Variants in SCARB2 observed in about 807,000 individuals in gnomAD.
SCARB2 encodes the protein scavenger receptor class B member 2.
Under a neutral mutation model 58.6 loss-of-function variants are expected in SCARB2, and 29 were observed. The ratio of observed to expected loss-of-function variants is 0.49; its 90% CI spans 0.37 to 0.67. SCARB2 has a LOEUF of 0.67. Among genes scored for constraint, SCARB2 ranks in the 30% least tolerant of loss-of-function variants. The probability of loss-of-function intolerance (pLI) is 0.00; values close to 1 mark genes in which losing one functional copy is unlikely to be tolerated. For synonymous variants in SCARB2, 195 were observed against 210.1 expected, an observed-to-expected ratio of 0.93 and a Z score of 0.62; for missense variants, 488 against 578.5, an observed-to-expected ratio of 0.84 and a Z score of 1.60.
chr4:76,213,570 G>C lies in SCARB2; in HGVS notation c.-27C>G, dbSNP rs553389773. 269 of 1,582,804 alleles carry C rather than the reference G, an allele frequency of 1.7e-4. 1 individual carries two copies. The African/African-American group carries it at 3.3e-3, about 19-fold the overall frequency. On this transcript the variant is annotated 5_prime_UTR_variant, in exon 1 of 12. Transcript: ENST00000264896. ...CTGTGCGCCGCTCACGGGCCGGGCC[G>C]GGCCGCACCCGCCAGGGATCCAACT...
chr4:76,206,194 G>A (rs758913883), intron 1 of SCARB2, among the ~76,000 whole-genome samples: 2 of 152,102 alleles, frequency 1.3e-5, no homozygotes, highest in Non-Finnish European at 2.9e-5. Context: ...CAAATCTGCC[G>A]GGGCCTTGAT....
chr4:76,215,637 G>C (rs1733192450), upstream of SCARB2, among the ~76,000 whole-genome samples: 1 of 152,172 alleles, frequency 6.6e-6, no homozygotes, highest in Admixed American at 6.5e-5. Context: ...TCTGAAGCTA[G>C]ATCATAAATG....
rs1286380031 is a variant in SCARB2 at position 76,159,297 on chromosome 4, T to C, written c.*2416A>G. 1 of 152,258 alleles carries C rather than the reference T, an allele frequency of 6.6e-6. No individual in the cohort carries two copies. Among genetic ancestry groups the C allele is most frequent in the African/African-American group, 2.4e-5 (1 of 41,474 alleles). The allele number at this position is 152,258 out of a possible 1,614,324, so 9.4% of individuals were successfully genotyped here. On this transcript the variant is annotated 3_prime_UTR_variant, in exon 12 of 12. Transcript: ENST00000264896. Reference sequence around the variant, plus strand: ...GCAAGAAAATGAGCATGAGAAATAATTCATCTTCAACTTAAAGCCAAATAG... The same window carrying C: ...GCAAGAAAATGAGCATGAGAAATAACTCATCTTCAACTTAAAGCCAAATAG...
chr4:76,165,486 C>G (rs1382917025), intron 10 of SCARB2: 1 of 151,910 alleles, frequency 6.6e-6, no homozygotes, highest in African/African-American at 2.4e-5. Flanking sequence ...AAAAAAATTT[C>G]TAAGAATTTT....
At chr4:76,214,113 T>C (rs1480645344), upstream of SCARB2, 2 of 410,244 alleles carry the variant, frequency 4.9e-6, no homozygotes, top group African/African-American at 4.1e-5. Flanking sequence ...CATTTACTCA[T>C]TCCGCAGATA....
rs115485163 is a variant in SCARB2, at chr4:76,189,859, C to T, written c.275+5848G>A. ...CAAGAGAACAGCATGAGGGTAGCTG[C>T]CCCCGTGATTAAATTACCCCCCTGG... is the stretch of plus-strand genomic sequence containing the variant. On this transcript the variant is annotated intron_variant, in intron 2 of 11. Transcript: ENST00000264896. Among the ~76,000 whole-genome samples, 360 of 152,184 alleles carry T rather than the reference C, an allele frequency of 2.4e-3. 1 individual carries two copies. The highest frequency in any genetic ancestry group is 8.1e-3 in the African/African-American group (338 of 41,508).
intron 1 of SCARB2, among the ~76,000 whole-genome samples, chr4:76,224,833 A>C (rs1311847398): frequency 3.3e-5 from 5 of 152,048 alleles, no homozygotes; most frequent in Non-Finnish European, 5.9e-5. Flanking sequence ...GATTTCTGAG[A>C]TTTTGGTGCA....
intron 1 of SCARB2, among the ~76,000 whole-genome samples, chr4:76,201,747 AATTAAT>A (rs1732833196): frequency 6.6e-6 from 1 of 152,222 alleles, no homozygotes; most frequent in East Asian, 1.9e-4. Flanking sequence ...TTTTATGCAT[AATTAAT>A]ATGCCAAAGG....
At chr4:76,165,656 ATC>A (rs1203760116) in intron 10 of SCARB2, 1 of 152,276 alleles carries the variant, frequency 6.6e-6, no homozygotes, top group Non-Finnish European at 1.5e-5. Context: ...TTTCTTGCTA[ATC>A]TCTGTTATTC....
Position 76,161,759 on chromosome 4 carries a change from A to G in SCARB2, c.1399-8T>C, listed in dbSNP as rs1731903272. The G allele has an allele frequency of 6.2e-7, 1 of 1,614,034 alleles. No homozygotes were observed. ...TCTTTCATCCGCTGTTCCCTGAAACACAGAAGAGAGAAAACAAGTTAGATG... is the reference window on the plus strand; with the variant it reads ...TCTTTCATCCGCTGTTCCCTGAAACGCAGAAGAGAGAAAACAAGTTAGATG... On this transcript the variant is annotated splice_region_variant and splice_polypyrimidine_tract_variant and intron_variant, in intron 11 of 11. Coordinates refer to ENST00000264896, the MANE Select transcript of SCARB2 (RefSeq NM_005506.4).
intron 10 of SCARB2, chr4:76,165,780 C>CA (rs2109933907): frequency 6.6e-6 from 1 of 150,852 alleles, no homozygotes; most frequent in East Asian, 2.0e-4. Flanking sequence ...TTTTTTCCCT[C>CA]AAACTGGGCG....
At chr4:76,199,013 C>T (rs1490461341) in intron 1 of SCARB2, among the ~76,000 whole-genome samples, 1 of 152,172 alleles carries the variant, frequency 6.6e-6, no homozygotes. Context: ...ATGGCAGTTA[C>T]TATTCAGTTA....
chr4:76,203,830 A>G lies in SCARB2; in HGVS notation c.118-7966T>C, dbSNP rs561841753. Among the ~76,000 whole-genome samples the G allele has an allele frequency of 2.8e-3, 430 of 152,374 alleles. 2 individuals are homozygous for G. Among genetic ancestry groups the G allele is most frequent in the African/African-American group, 9.9e-3 (411 of 41,580 alleles). On this transcript the variant is annotated intron_variant, in intron 1 of 11. Transcript: ENST00000264896. ...AAGGCAACACCATGAGAGTGGTGAA[A>G]CCAGCTGTCCTGATGTAAGCCACTT...
At chr4:76,203,262 A>G (rs1033426313) in intron 1 of SCARB2, among the ~76,000 whole-genome samples, 1 of 152,214 alleles carries the variant, frequency 6.6e-6, no homozygotes, top group Non-Finnish European at 1.5e-5. Context: ...GGCATGAGGC[A>G]CCACACCTGG....
In SCARB2 at chr4:76,181,012, T is replaced by A. The variant is rs199619067; in HGVS notation, c.365A>T (p.Asp122Val). 3 of 1,613,778 alleles carry A rather than the reference T, an allele frequency of 1.9e-6. No individual in the cohort carries two copies. Among genetic ancestry groups the A allele is most frequent in the Non-Finnish European group, 2.5e-6 (3 of 1,179,842 alleles). ...VSNKAYVFERDQSVGDPKIDL... is the reference protein window; with the variant it reads ...VSNKAYVFERVQSVGDPKIDL... ...AATTTTAGGGTCTCCAACAGATTGG[T>A]CTCGTTCAAAAACATAGGCCTTGTT... The change falls in exon 3 of 12, where the codon GAC becomes GTC. Residue 122 changes from aspartate (D) to valine (V), a missense_variant. Coordinates refer to ENST00000264896, the MANE Select transcript of SCARB2 (RefSeq NM_005506.4).
intron 1 of SCARB2, among the ~76,000 whole-genome samples, chr4:76,197,745 C>T (rs909316172): frequency 6.6e-6 from 1 of 152,088 alleles, no homozygotes; most frequent in African/African-American, 2.4e-5. Flanking sequence ...AATAAACAAA[C>T]CAAAATGTGA....
intron 1 of SCARB2, among the ~76,000 whole-genome samples, chr4:76,197,437 T>G (rs1732736543): frequency 6.6e-6 from 1 of 152,246 alleles, no homozygotes; most frequent in Admixed American, 6.5e-5. Flanking sequence ...GCCTAGGTTC[T>G]AAAACGGAGA....
rs1732254492 is a variant in SCARB2 at position 76,176,502 on chromosome 4, A to G, written c.639T>C (p.Tyr213=). 1 of 1,611,470 alleles carries G rather than the reference A, an allele frequency of 6.2e-7. No individual in the cohort carries two copies. The highest frequency in any genetic ancestry group is 1.3e-5 in the African/African-American group (1 of 74,886). Residue 213 remains tyrosine, a synonymous_variant, in exon 5 of 12, where the codon TAT becomes TAC. Coordinates refer to ENST00000264896, the MANE Select transcript of SCARB2 (RefSeq NM_005506.4). ...YEKNGTNDGD[Y]VFLTGEDSYL... Reference sequence around the variant, plus strand: ...AACTGTCTTCTCCAGTTAGAAAAACATAGTCTCCATCATTAGTCCCATTTT... The same window carrying G: ...AACTGTCTTCTCCAGTTAGAAAAACGTAGTCTCCATCATTAGTCCCATTTT...
At chr4:76,212,131 T>C (rs1043378034) in intron 1 of SCARB2, among the ~76,000 whole-genome samples, 6 of 152,166 alleles carry the variant, frequency 3.9e-5, no homozygotes, top group African/African-American at 1.4e-4. Context: ...TTGGATTGCT[T>C]TACTCTAGTC....
Sources: gnomAD v4.1 joint callset for allele counts (sites outside exome capture counted in the v4.1 genomes callset) on GRCh38, gnomAD v4.1.1 for gene constraint, MANE v1.5 for transcripts, NCBI Gene and HGNC (gene_info 2026-07-23, HGNC 2026-07-21) for gene names.